SYNE1: variants seen among roughly 807,000 people sequenced by gnomAD.
The protein encoded by SYNE1 is nesprin-1.
SYNE1 carries 616 observed loss-of-function variants against 1,111.0 expected under a neutral mutation model. That is an observed-to-expected ratio of 0.55 (90% CI 0.52 to 0.59). SYNE1 has a LOEUF of 0.59. SYNE1 is among the 20% of genes least tolerant of loss of function. The pLI, the probability that SYNE1 is intolerant of heterozygous loss-of-function variation, is 0.00. For synonymous variants in SYNE1, 3,855 were observed against 3,825.8 expected (o/e 1.01, Z -0.28); for missense variants, 10,006 against 10,417.0 (o/e 0.96, Z 1.72).
At chr6:152,397,884 C>T (rs1023730763) in intron 49 of SYNE1, among the ~76,000 whole-genome samples, 1 of 151,856 alleles carries the variant, frequency 6.6e-6, no homozygotes, top group Non-Finnish European at 1.5e-5. Context: ...ACCTGTAATC[C>T]CAGCTACTTG....
At chr6:152,599,538 AT>A (rs1376993522) in intron 3 of SYNE1, among the ~76,000 whole-genome samples, 2 of 152,226 alleles carry the variant, frequency 1.3e-5, no homozygotes, top group African/African-American at 4.8e-5. Flanking sequence ...AGCCAGATAC[AT>A]CAGGGTTTTT....
chr6:152,365,701 C>G (rs2097062611), intron 62 of SYNE1, among the ~76,000 whole-genome samples: 1 of 151,544 alleles, frequency 6.6e-6, no homozygotes, highest in Non-Finnish European at 1.5e-5. Context: ...CTCAAGCAAT[C>G]CTCCCACTTC....
chr6:152,445,809 A>C (rs1428653125), intron 29 of SYNE1, among the ~76,000 whole-genome samples: 1 of 152,152 alleles, frequency 6.6e-6, no homozygotes, highest in African/African-American at 2.4e-5. Flanking sequence ...AAGGGGCTGA[A>C]TGTGCCACAT....
chr6:152,461,874 C>T, intron 20 of SYNE1, 134 bp from the exon 21 acceptor site: 2 of 1,120,106 alleles, frequency 1.8e-6, no homozygotes, highest in Middle Eastern at 2.6e-4. Flanking sequence ...TTCGACGATT[C>T]CAGTTTTTGC....
rs150723622 is a variant in SYNE1 at position 152,224,523 on chromosome 6, C to T, written c.21493G>A (p.Ala7165Thr). 6.2e-7 allele frequency: 1 copy of T among 1,614,054 alleles called. No individual in the cohort carries two copies. Among genetic ancestry groups the T allele is most frequent in the East Asian group, 2.2e-5 (1 of 44,856 alleles). ...AGATTGTCCACCTGAACTTGCACAG[C>T]TTCTAAGGAGCCAGTCAGCAGACGG... Reference protein sequence around the residue: ...RFRLLTGSLEAVQVQVDNLQN... With the variant: ...RFRLLTGSLETVQVQVDNLQN... The change falls in exon 117 of 146, where the codon GCT (alanine) becomes ACT (threonine). Residue 7165 changes from alanine to threonine, a missense_variant. By Grantham distance (58) the Ala-to-Thr change is moderately conservative (BLOSUM62 0). Coordinates refer to ENST00000367255, the MANE Select transcript of SYNE1 (RefSeq NM_182961.4).
chr6:152,387,432 C>A, intron 53 of SYNE1, 51 bp from the exon 54 acceptor site: 1 of 1,578,304 alleles, frequency 6.3e-7, no homozygotes. Context: ...GACATCTCTA[C>A]TGAAAACCAA....
intron 70 of SYNE1, 60 bp downstream of exon 70, chr6:152,351,967 C>T: frequency 1.3e-6 from 2 of 1,525,368 alleles, no homozygotes; most frequent in Admixed American, 1.7e-5. Flanking sequence ...AGAATCACCT[C>T]CCTCCCATTT....
chr6:152,514,235 C>G (rs371257568), intron 6 of SYNE1, among the ~76,000 whole-genome samples: 1 of 152,148 alleles, frequency 6.6e-6, no homozygotes, highest in Non-Finnish European at 1.5e-5. Context: ...ATCCAAATGC[C>G]CAACAGTGAT....
chr6:152,311,051 G>A, intron 87 of SYNE1, 178 bp from the exon 88 acceptor site: 2 of 666,258 alleles, frequency 3.0e-6, no homozygotes, highest in Admixed American at 4.7e-5. Context: ...CTATTTCACA[G>A]AAAAAGAAAT....
intron 4 of SYNE1, among the ~76,000 whole-genome samples, chr6:152,530,468 G>GTTT (rs71017540): frequency 7.3e-6 from 1 of 137,414 alleles, no homozygotes; most frequent in African/African-American, 2.7e-5. Context: ...TAATTGTATG[G>GTTT]TTTTTTTTTT....
chr6:152,550,293 G>C (rs536971697), intron 3 of SYNE1, among the ~76,000 whole-genome samples: 1 of 152,176 alleles, frequency 6.6e-6, no homozygotes, highest in African/African-American at 2.4e-5. Flanking sequence ...GGAGAGGGTG[G>C]ATAGATCTGA....
intron 3 of SYNE1, among the ~76,000 whole-genome samples, chr6:152,550,552 G>A (rs542986148): frequency 5.3e-5 from 8 of 151,338 alleles, no homozygotes; most frequent in South Asian, 2.1e-4. Context: ...TTGTCATCTC[G>A]TATGTATGGG....
At chr6:152,468,019 A>G (rs537994294) in intron 16 of SYNE1, among the ~76,000 whole-genome samples, 2 of 152,290 alleles carry the variant, frequency 1.3e-5, no homozygotes, top group East Asian at 1.9e-4. Flanking sequence ...TTTCAAAATG[A>G]GGTTGAAACT....
At position 152,452,245 on chromosome 6, in the gene SYNE1, A is replaced by G. The variant is rs193107596; in HGVS notation, c.3028-1040T>C. Among the ~76,000 whole-genome samples, 569 of 152,278 alleles carry G rather than the reference A, an allele frequency of 3.7e-3. 3 individuals are homozygous for G. The highest frequency in any genetic ancestry group is 0.013 in the African/African-American group (523 of 41,554). On this transcript the variant is annotated intron_variant, in intron 25 of 145. Coordinates refer to ENST00000367255, the MANE Select transcript of SYNE1 (RefSeq NM_182961.4). Reference sequence around the variant, plus strand: ...ACCTTTGAAACAGAATACTAAGATGACTGATGAGAAAAATGAGGTGGGCCT... The same window carrying G: ...ACCTTTGAAACAGAATACTAAGATGGCTGATGAGAAAAATGAGGTGGGCCT...
At chr6:152,464,005 GA>G (rs2154268331) in intron 18 of SYNE1, among the ~76,000 whole-genome samples, 1 of 152,212 alleles carries the variant, frequency 6.6e-6, no homozygotes, top group South Asian at 2.1e-4. Flanking sequence ...TTTAAAGAAA[GA>G]ATAGCTTTCT....
intron 6 of SYNE1, 90 bp from the exon 7 acceptor site, chr6:152,511,193 A>G (rs1381063981): frequency 7.1e-6 from 8 of 1,134,200 alleles, no homozygotes; most frequent in South Asian, 5.0e-5. Context: ...GTAGACATCA[A>G]TAAGATTTGA....
At chr6:152,491,669 C>G (rs2098971406) in intron 11 of SYNE1, among the ~76,000 whole-genome samples, 1 of 152,190 alleles carries the variant, frequency 6.6e-6, no homozygotes, top group South Asian at 2.1e-4. Context: ...TGCAAATGGT[C>G]TGAGATGCCT....
In SYNE1 at chr6:152,225,737, G is replaced by T. The variant is rs1458770104; in HGVS notation, c.21335C>A (p.Ala7112Glu). 1.9e-6 allele frequency: 3 copies of T among 1,613,950 alleles called. No individual in the cohort carries two copies. Among genetic ancestry groups the T allele is most frequent in the Non-Finnish European group, 2.5e-6 (3 of 1,180,004 alleles). ...STLRELGQTW[A>E]NLDHMVGQLK... The stretch of plus-strand genomic sequence containing the variant: ...CAATATTACCATGTGATCTAAATTT[G>T]CCCAGGTTTGGCCGAGCTCTCGCAG... Residue 7112 changes from alanine (A) to glutamate (E), a missense_variant, in exon 116 of 146, where the codon GCA (alanine) becomes GAA (glutamate). Ala to Glu is a moderately radical substitution (Grantham distance 107). Coordinates refer to ENST00000367255, the MANE Select transcript of SYNE1 (RefSeq NM_182961.4).
At chr6:152,378,511 C>T (rs1000287291) in intron 56 of SYNE1, among the ~76,000 whole-genome samples, 3 of 152,184 alleles carry the variant, frequency 2.0e-5, no homozygotes, top group African/African-American at 7.2e-5. Flanking sequence ...CATCATTCCC[C>T]TCTTTGCCTC....
Sources: allele counts gnomAD v4.1 joint callset (sites outside exome capture counted in the v4.1 genomes callset), GRCh38; gene constraint gnomAD v4.1.1; transcripts MANE v1.5; gene names NCBI Gene and HGNC (gene_info 2026-07-23, HGNC 2026-07-21).